EFL1: variants seen among roughly 807,000 people sequenced by gnomAD.
The protein encoded by EFL1 is elongation factor-like GTPase 1.
A neutral mutation model predicts 126.7 loss-of-function variants in EFL1; 76 were observed. The ratio of observed to expected loss-of-function variants is 0.60; its 90% confidence interval spans 0.50 to 0.73. The LOEUF (loss-of-function observed/expected upper bound fraction) is 0.73. Ranked by LOEUF, EFL1 falls within the 30% of genes least tolerant of loss-of-function variation. The pLI is 0.00. For synonymous variants in EFL1, 410 were observed against 448.4 expected, an observed-to-expected ratio of 0.91 and a Z score of 1.08; for missense variants, 1,128 against 1,343.2, an observed-to-expected ratio of 0.84 and a Z score of 2.50.
chr15:82,178,503 G>A (rs1049216988), intron 15 of EFL1, among the ~76,000 whole-genome samples: 5 of 152,152 alleles, frequency 3.3e-5, no homozygotes, highest in Admixed American at 1.3e-4. Flanking sequence ...AGGGAAAAAG[G>A]CATTGTGGTG....
In EFL1 at chr15:82,151,929, T is replaced by C; in HGVS notation, c.2525A>G (p.Asp842Gly). 6.2e-7 allele frequency: 1 copy of C among 1,614,104 alleles called. No homozygotes were observed. The highest frequency in any genetic ancestry group is 2.2e-5 in the East Asian group (1 of 44,870). The change falls in exon 18 of 20, where the codon GAT becomes GGT. Residue 842 changes from aspartate (D) to glycine (G), a missense_variant. Around this residue, in one of 6 missense-constraint regions of EFL1, gnomAD observed 561 missense variants for 641.7 expected, o/e 0.87. Transcript: ENST00000268206. ...ACCTGTCCATACTGAGTTCTGAAAA[T>C]CTTCACTTTTATTGACTAGTATGTT... ...GPNILVNKSE[D>G]FQNSVWTGPA...
intron 3 of EFL1, among the ~76,000 whole-genome samples, chr15:82,257,659 C>G (rs2075077832): frequency 6.6e-6 from 1 of 152,300 alleles, no homozygotes; most frequent in Non-Finnish European, 1.5e-5. Flanking sequence ...CTCCCACCCA[C>G]ACAGTTTCCC....
intron 18 of EFL1, among the ~76,000 whole-genome samples, chr15:82,149,454 C>A (rs1030794915): frequency 6.6e-6 from 1 of 151,892 alleles, no homozygotes; most frequent in East Asian, 1.9e-4. Context: ...AATGAGAAGA[C>A]GTAATTGTTA....
intron 7 of EFL1, among the ~76,000 whole-genome samples, chr15:82,232,202 T>A (rs1440853840): frequency 6.6e-6 from 1 of 152,164 alleles, no homozygotes; most frequent in Admixed American, 6.5e-5. Context: ...GGAGCCCTAT[T>A]TGTTAGTAGT....
At chr15:82,133,785 G>A (rs945875386) in intron 19 of EFL1, among the ~76,000 whole-genome samples, 5 of 152,196 alleles carry the variant, frequency 3.3e-5, no homozygotes, top group African/African-American at 1.2e-4. Context: ...TTTGCTGGTG[G>A]GAGGACAGGG....
intron 14 of EFL1, among the ~76,000 whole-genome samples, chr15:82,219,097 T>C (rs1030151568): frequency 2.0e-5 from 3 of 152,242 alleles, no homozygotes; most frequent in East Asian, 1.9e-4. Flanking sequence ...ATAATTATAA[T>C]GTATATATCT....
In EFL1 at chr15:82,181,516, G is replaced by A. The variant is rs554229348; in HGVS notation, c.1751-17532C>T. 9.9e-5 allele frequency among the ~76,000 whole-genome samples: 15 copies of A among 152,236 alleles called. No individual in the cohort carries two copies. The South Asian group carries it at 2.3e-3, about 23-fold the overall frequency. The stretch of plus-strand genomic sequence containing the variant: ...TTTAAAACAACTTGCCTGCAATGTG[G>A]AATCTCTTTCATAATATCCCCAAGA... On this transcript the variant is annotated intron_variant, in intron 15 of 19. Transcript: ENST00000268206.
At chr15:82,217,373 GAA>G in intron 14 of EFL1, among the ~76,000 whole-genome samples, 1,031 of 27,174 alleles carry the variant, frequency 0.038, 24 homozygotes, top group Admixed American at 0.11. Context: ...GATTAGATTT[GAA>G]AAAAAAAAAA....
intron 2 of EFL1, among the ~76,000 whole-genome samples, chr15:82,259,742 CAG>C (rs1352648920): frequency 6.6e-6 from 1 of 152,138 alleles, no homozygotes; most frequent in Non-Finnish European, 1.5e-5. Flanking sequence ...TAAAGAATGT[CAG>C]GGGTATGCAT....
intron 16 of EFL1, among the ~76,000 whole-genome samples, chr15:82,161,578 T>C (rs1419611338): frequency 2.0e-5 from 3 of 152,152 alleles, no homozygotes; most frequent in Non-Finnish European, 4.4e-5. Flanking sequence ...GTAAATCCAG[T>C]AAAAACAATA....
At chr15:82,188,021 A>G (rs2074320367) in intron 15 of EFL1, among the ~76,000 whole-genome samples, 1 of 152,166 alleles carries the variant, frequency 6.6e-6, no homozygotes, top group African/African-American at 2.4e-5. Flanking sequence ...TATGACCATT[A>G]TAATTTTAGT....
At chr15:82,182,242 G>A (rs2074259012) in intron 15 of EFL1, among the ~76,000 whole-genome samples, 1 of 152,210 alleles carries the variant, frequency 6.6e-6, no homozygotes, top group African/African-American at 2.4e-5. Context: ...CTAGGCGAAA[G>A]AGCAAGATTC....
In EFL1 at chr15:82,228,256, G is replaced by C. The variant is rs762840928; in HGVS notation, c.1004C>G (p.Ser335Ter). 1 of 1,613,996 alleles carries C rather than the reference G, an allele frequency of 6.2e-7. No homozygotes were observed. Among genetic ancestry groups the C allele is most frequent in the African/African-American group, 1.3e-5 (1 of 74,936 alleles). Residue 335 changes from serine to a stop codon, truncating the protein, a stop_gained, in exon 10 of 20, where the codon TCA becomes TGA. Transcript: ENST00000268206. LOFTEE classifies it high-confidence loss of function. The stretch of plus-strand genomic sequence containing the variant: ...GGCGTTGATCTGAACTTTAGGGTCT[G>C]AATGTCGTGCCTCCCGGGCTCCAAT... The part of the protein sequence containing the change: ...LKIGAREARH[S>*]DPKVQINAIC...
rs2659149 is a variant in EFL1, at chr15:82,220,438, T to C, written c.1293-209A>G. Among the ~76,000 whole-genome samples, 1,501 of 152,178 alleles carry C rather than the reference T, an allele frequency of 9.9e-3. 25 individuals carry two copies. Among genetic ancestry groups the C allele is most frequent in the African/African-American group, 0.034 (1,423 of 41,524 alleles). ...TCCCAACTATTCTGAGCTTATGAAC[T>C]GACATGCAAGAGCCCAAGTCCCCAT... On this transcript the variant is annotated intron_variant, in intron 12 of 19. Coordinates refer to ENST00000268206, the MANE Select transcript of EFL1 (RefSeq NM_024580.6).
chr15:82,241,427 C>T, intron 4 of EFL1, 24 bp from the exon 5 acceptor site: 2 of 1,606,056 alleles, frequency 1.2e-6, no homozygotes, highest in South Asian at 1.1e-5. Context: ...TGTAAACACA[C>T]ATTTTCAGTT....
chr15:82,146,975 A>G (rs1433374877), intron 18 of EFL1, among the ~76,000 whole-genome samples: 23 of 152,080 alleles, frequency 1.5e-4, no homozygotes, highest in Admixed American at 1.5e-3. Context: ...TAAGGATAGG[A>G]TGACAAATGA....
intron 15 of EFL1, among the ~76,000 whole-genome samples, chr15:82,165,853 G>GA (rs1445298205): frequency 2.6e-5 from 4 of 152,184 alleles, no homozygotes; most frequent in African/African-American, 9.7e-5. Flanking sequence ...GTGTGCATGG[G>GA]ATCCTCTTCA....
intron 15 of EFL1, among the ~76,000 whole-genome samples, chr15:82,210,435 A>C (rs1253817361): frequency 6.6e-6 from 1 of 152,190 alleles, no homozygotes; most frequent in Non-Finnish European, 1.5e-5. Context: ...TAAGGAAGCC[A>C]AGCAGCCATA....
intron 12 of EFL1, among the ~76,000 whole-genome samples, chr15:82,224,177 C>T (rs532040106): frequency 5.9e-5 from 9 of 152,266 alleles, no homozygotes; most frequent in Non-Finnish European, 1.2e-4. Flanking sequence ...TAAGACAGGT[C>T]AAGTTTATTT....
Sources: gnomAD v4.1 joint callset for allele counts (sites outside exome capture counted in the v4.1 genomes callset) on GRCh38, gnomAD v4.1.1 for gene constraint, gnomAD v4.1.1 regional missense constraint, MANE v1.5 for transcripts, NCBI Gene and HGNC (gene_info 2026-07-23, HGNC 2026-07-21) for gene names.